CSMD1: variants seen among roughly 807,000 people sequenced by gnomAD.
CSMD1 encodes CUB and sushi domain-containing protein 1.
In CSMD1, 213 loss-of-function variants were observed where a neutral mutation model predicts 417.5. That is an observed-to-expected ratio of 0.51 (90% CI 0.46 to 0.57). CSMD1 has a LOEUF of 0.57. Among genes scored for constraint, CSMD1 ranks in the 20% least tolerant of loss-of-function variants. The pLI is 0.00. For missense variants in CSMD1, 6,923 were observed against 4,529.7 expected, an observed-to-expected ratio of 1.53 and a Z score of -15.17; for synonymous variants, 2,862 against 1,736.8, an observed-to-expected ratio of 1.65 and a Z score of -16.11.
intron 54 of CSMD1, among the ~76,000 whole-genome samples, chr8:2,983,423 T>C (rs1805594944): frequency 1.3e-5 from 2 of 152,148 alleles, no homozygotes; most frequent in African/African-American, 4.8e-5. Flanking sequence ...CCTGACCTCG[T>C]GATCCGCCTG....
intron 4 of CSMD1, among the ~76,000 whole-genome samples, chr8:4,022,384 T>C (rs796428739): frequency 6.6e-6 from 1 of 152,034 alleles, no homozygotes; most frequent in South Asian, 2.1e-4. Context: ...ACTGTAAAAA[T>C]TATGGGAGGA....
intron 3 of CSMD1, among the ~76,000 whole-genome samples, chr8:4,129,473 G>C (rs923395918): frequency 6.6e-6 from 1 of 152,174 alleles, no homozygotes; most frequent in Non-Finnish European, 1.5e-5. Flanking sequence ...AAATTGTGAA[G>C]TTTTGTATTG....
chr8:3,685,463 G>A (rs769087992), intron 7 of CSMD1, among the ~76,000 whole-genome samples: 2 of 152,160 alleles, frequency 1.3e-5, no homozygotes, highest in Non-Finnish European at 2.9e-5. Flanking sequence ...TTAATCGGAT[G>A]CTGCAGCCGA....
intron 3 of CSMD1, among the ~76,000 whole-genome samples, chr8:4,273,905 T>C (rs1804758201): frequency 6.6e-6 from 1 of 152,208 alleles, no homozygotes; most frequent in Non-Finnish European, 1.5e-5. Flanking sequence ...GTGTTGACTC[T>C]CACCATTATC....
chr8:4,807,202 T>A (rs986667546), intron 1 of CSMD1, among the ~76,000 whole-genome samples: 1 of 152,166 alleles, frequency 6.6e-6, no homozygotes, highest in African/African-American at 2.4e-5. Context: ...TTCATTCCCA[T>A]CTGCCTGTCC....
intron 5 of CSMD1, among the ~76,000 whole-genome samples, chr8:3,866,896 G>C (rs528716370): frequency 1.1e-4 from 16 of 152,234 alleles, no homozygotes; most frequent in Admixed American, 1.0e-3. Context: ...TGCAAGACAT[G>C]GTGATGTTTT....
chr8:3,550,620 C>A (rs146150310), intron 10 of CSMD1, among the ~76,000 whole-genome samples: 1 of 152,156 alleles, frequency 6.6e-6, no homozygotes, highest in Non-Finnish European at 1.5e-5. Context: ...TCAGTCTCCA[C>A]CCCTTTGCCT....
At chr8:3,640,489 C>A (rs115777739) in intron 7 of CSMD1, among the ~76,000 whole-genome samples, 2 of 152,136 alleles carry the variant, frequency 1.3e-5, no homozygotes, top group Non-Finnish European at 1.5e-5. Flanking sequence ...TTTGTCTAAT[C>A]AGTTAATGGA....
intron 2 of CSMD1, among the ~76,000 whole-genome samples, chr8:4,429,197 G>C (rs1797732043): frequency 6.6e-6 from 1 of 151,144 alleles, no homozygotes; most frequent in Non-Finnish European, 1.5e-5. Flanking sequence ...ATTCTAAAAG[G>C]ATCATGCCTG....
intron 5 of CSMD1, among the ~76,000 whole-genome samples, chr8:3,764,391 A>G (rs1449152233): frequency 6.6e-6 from 1 of 152,118 alleles, no homozygotes; most frequent in Non-Finnish European, 1.5e-5. Flanking sequence ...AAATACCACA[A>G]ACATAATCAA....
chr8:3,759,899 T>A (rs537686812), intron 5 of CSMD1, among the ~76,000 whole-genome samples: 2 of 90,302 alleles, frequency 2.2e-5, no homozygotes, highest in East Asian at 5.3e-4. Context: ...ACTGAGAGAC[T>A]GTCTCAAAAA....
chr8:3,829,925 C>T (rs7840858), intron 5 of CSMD1, among the ~76,000 whole-genome samples: 27,939 of 151,886 alleles, frequency 0.18, 2,906 homozygotes, highest in Middle Eastern at 0.25. Context: ...AGGCTTTTCT[C>T]CTTTGAAAAA....
intron 54 of CSMD1, among the ~76,000 whole-genome samples, chr8:2,990,571 A>T (rs1806293654): frequency 6.6e-6 from 1 of 152,166 alleles, no homozygotes; most frequent in South Asian, 2.1e-4. Flanking sequence ...AGCTGACCAG[A>T]CCACCCACAT....
Position 3,551,594 on chromosome 8 carries a change from ATAT to A in CSMD1, c.1344+23348_1344+23350del, listed in dbSNP as rs1376940108. ...AATAAATATGTATATATATATATAT[ATAT>A]TTTTTTTTTTTTTTTTTCTGAAGAT... On this transcript the variant is annotated intron_variant, in intron 10 of 69. Coordinates refer to ENST00000635120, the MANE Select transcript of CSMD1 (RefSeq NM_033225.6). 7.1e-3 allele frequency among the ~76,000 whole-genome samples: 739 copies of A among 103,722 alleles called. 4 individuals carry two copies. The highest frequency in any genetic ancestry group is 0.017 in the African/African-American group (362 of 21,376). The allele number at this position is 103,722 out of a possible 152,430, so 68.0% of individuals were successfully genotyped here.
chr8:4,323,778 G>C (rs537674945), intron 3 of CSMD1, among the ~76,000 whole-genome samples: 3 of 152,204 alleles, frequency 2.0e-5, no homozygotes, highest in African/African-American at 4.8e-5. Context: ...GGCCAGACCT[G>C]CCTATCTTGA....
intron 41 of CSMD1, among the ~76,000 whole-genome samples, chr8:3,127,020 T>C (rs1314067763): frequency 6.6e-6 from 1 of 152,180 alleles, no homozygotes; most frequent in Admixed American, 6.5e-5. Flanking sequence ...GTGTTGCTTT[T>C]GCTTTCAGAA....
chr8:3,987,296 G>T (rs886544921), intron 5 of CSMD1, among the ~76,000 whole-genome samples: 1 of 152,194 alleles, frequency 6.6e-6, no homozygotes, highest in African/African-American at 2.4e-5. Context: ...GTTCTGTGAT[G>T]ACCTCACTGA....
At chr8:4,235,356 T>C (rs934926497) in intron 3 of CSMD1, among the ~76,000 whole-genome samples, 3 of 119,380 alleles carry the variant, frequency 2.5e-5, no homozygotes, top group African/African-American at 5.1e-5. Flanking sequence ...AAAAGACGTG[T>C]TTTGTTTTTT....
intron 3 of CSMD1, among the ~76,000 whole-genome samples, chr8:4,249,190 T>C (rs779978899): frequency 2.0e-5 from 3 of 152,172 alleles, no homozygotes; most frequent in African/African-American, 7.2e-5. Context: ...TGAAGCTTGA[T>C]AGTGTCACCA....
Sources: gnomAD v4.1 joint callset for allele counts (sites outside exome capture counted in the v4.1 genomes callset) on GRCh38, gnomAD v4.1.1 for gene constraint, MANE v1.5 for transcripts, NCBI Gene and HGNC (gene_info 2026-07-23, HGNC 2026-07-21) for gene names.